Variants in CASP8 observed in about 807,000 individuals in gnomAD.
CASP8 encodes caspase 8.
Under a neutral mutation model 46.3 loss-of-function variants are expected in CASP8, and 24 were observed. That is an observed-to-expected ratio of 0.52 (90% CI 0.38 to 0.73). The LOEUF (loss-of-function observed/expected upper bound fraction) is 0.73. CASP8 is among the 30% of genes least tolerant of loss of function. The probability of loss-of-function intolerance (pLI) is 0.00; values close to 1 mark genes in which losing one functional copy is unlikely to be tolerated. For missense variants in CASP8, 460 were observed against 559.0 expected, an observed-to-expected ratio of 0.82 and a Z score of 1.79; for synonymous variants, 188 against 200.4, an observed-to-expected ratio of 0.94 and a Z score of 0.52.
At chr2:201,264,545 C>G (rs1947659289) in intron 1 of CASP8, among the ~76,000 whole-genome samples, 1 of 152,122 alleles carries the variant, frequency 6.6e-6, no homozygotes, top group Non-Finnish European at 1.5e-5. Context: ...CACGTGCTAG[C>G]AGTATCTATT....
In CASP8 at chr2:201,266,868, T is replaced by G; in HGVS notation, c.305+77T>G. Reference sequence around the variant, plus strand: ...CCTCTGAGCTGATTGGGGCTTTTTTTTGTGGTACCCTGCCTAGTGCCTGGG... The same window carrying G: ...CCTCTGAGCTGATTGGGGCTTTTTTGTGTGGTACCCTGCCTAGTGCCTGGG... On this transcript the variant is annotated intron_variant, in intron 2 of 8. Transcript: ENST00000673742. The surrounding 1 kb of genome is among the most constrained non-coding windows in gnomAD (Gnocchi z 5.7). 9.1e-7 allele frequency: 1 copy of G among 1,095,048 alleles called. No homozygotes were observed. The highest frequency in any genetic ancestry group is 1.3e-6 in the Non-Finnish European group (1 of 759,252). The allele number at this position is 1,095,048 out of a possible 1,614,324, so 67.8% of individuals were successfully genotyped here. A position where few individuals can be genotyped will look rare whatever the true frequency, so the allele number is the denominator to read the frequency against.
rs1204036039 is a variant in CASP8 at position 201,287,202 on chromosome 2, C to A, written c.*608C>A. 6.5e-6 allele frequency: 1 copy of A among 154,374 alleles called. No individual in the cohort carries two copies. The highest frequency in any genetic ancestry group is 6.5e-5 in the Admixed American group (1 of 15,366). 9.6% of individuals were successfully genotyped at this position (154,374 alleles called of 1,614,324 possible). On this transcript the variant is annotated 3_prime_UTR_variant, in exon 9 of 9. Coordinates refer to ENST00000673742, the MANE Select transcript of CASP8 (RefSeq NM_001372051.1). ...TGTTAATATTCTATTAACTTTAATT[C>A]TCTTTCAAAGCTAAATTCCACACTA... is the stretch of plus-strand genomic sequence containing the variant.
chr2:201,252,897 G>C (rs1384781962), intron 2 of CASP8, among the ~76,000 whole-genome samples: 1 of 152,004 alleles, frequency 6.6e-6, no homozygotes, highest in African/African-American at 2.4e-5. Context: ...TATTATGGAG[G>C]GGGAAAAAAA....
chr2:201,241,535 T>C (rs2124907989), intron 2 of CASP8: 1 of 152,302 alleles, frequency 6.6e-6, no homozygotes, highest in African/African-American at 2.4e-5. Flanking sequence ...TTATAACTAA[T>C]GTGGAGGTTT....
At chr2:201,261,130 C>T (rs911313987) in intron 1 of CASP8, among the ~76,000 whole-genome samples, 5 of 152,156 alleles carry the variant, frequency 3.3e-5, no homozygotes, top group Admixed American at 6.5e-5. Flanking sequence ...TGGTGGCTCT[C>T]GCCTGTCATC....
Position 201,272,522 on chromosome 2 carries a change from C to T in CASP8, c.412-116C>T. ...AGAGACCAGCAGAAACTGTCAGAAA[C>T]TTGGGAAGCAAGGGCAGGTCCTTGG... On this transcript the variant is annotated intron_variant, in intron 3 of 8. Transcript: ENST00000673742. The surrounding 1 kb of genome is among the most constrained non-coding windows in gnomAD (Gnocchi z 4.4). The T allele has an allele frequency of 8.6e-7, 1 of 1,158,138 alleles. No homozygotes were observed. Among genetic ancestry groups the T allele is most frequent in the Admixed American group, 1.9e-5 (1 of 53,370 alleles). The allele number at this position is 1,158,138 out of a possible 1,614,324, so 71.7% of individuals were successfully genotyped here.
intron 7 of CASP8, among the ~76,000 whole-genome samples, chr2:201,279,091 A>G (rs1948833548): frequency 6.6e-6 from 1 of 152,226 alleles, no homozygotes; most frequent in Non-Finnish European, 1.5e-5. Context: ...CCCCCACAGA[A>G]TCCTGGAAAA....
Position 201,260,613 on chromosome 2 carries a change from G to A in CASP8, c.-27G>A, listed in dbSNP as rs187440338. On this transcript the variant is annotated splice_region_variant and 5_prime_UTR_variant, in exon 1 of 9. Coordinates refer to ENST00000673742, the MANE Select transcript of CASP8 (RefSeq NM_001372051.1). Reference sequence around the variant, plus strand: ...GAAGGTGCTACCATCGTGAGAGTAAGGTAAGGATTTGCCTCTTTGTTAAGG... The same window carrying A: ...GAAGGTGCTACCATCGTGAGAGTAAAGTAAGGATTTGCCTCTTTGTTAAGG... The A allele has an allele frequency of 4.4e-5, 43 of 973,596 alleles. 1 individual carries two copies. In the Middle Eastern group the frequency reaches 2.6e-3, roughly 60 times the overall value. 60.3% of individuals were successfully genotyped at this position (973,596 alleles called of 1,614,324 possible).
intron 7 of CASP8, chr2:201,281,698 G>T: frequency 2.3e-6 from 1 of 432,512 alleles, no homozygotes; most frequent in Non-Finnish European, 4.1e-6. Context: ...GTTTTTTTCT[G>T]ATTATGTAAA....
chr2:201,254,437 C>T (rs537100012), intron 2 of CASP8, among the ~76,000 whole-genome samples: 2 of 152,344 alleles, frequency 1.3e-5, no homozygotes, highest in East Asian at 1.9e-4. Context: ...TCCCTTGCCA[C>T]GCTCTGGAGG....
chr2:201,276,759 G>T, intron 6 of CASP8, 68 bp from the exon 7 acceptor site: 1 of 1,609,032 alleles, frequency 6.2e-7, no homozygotes, highest in South Asian at 1.1e-5. Flanking sequence ...TTACTAGGGA[G>T]TTGTTTGTTT....
chr2:201,233,764 G>C (rs1472085001), intron 1 of CASP8: 1 of 152,244 alleles, frequency 6.6e-6, no homozygotes, highest in Non-Finnish European at 1.5e-5. Context: ...GGCAGAGCTG[G>C]GATTTGAATC....
chr2:201,283,262 C>G (rs1373824740), intron 7 of CASP8, among the ~76,000 whole-genome samples: 1 of 90,302 alleles, frequency 1.1e-5, no homozygotes, highest in African/African-American at 3.8e-5. Flanking sequence ...GCTGGCCGGG[C>G]GGGGGGTTGA....
intron 2 of CASP8, among the ~76,000 whole-genome samples, chr2:201,247,949 T>C (rs576200239): frequency 6.6e-6 from 1 of 152,084 alleles, no homozygotes; most frequent in African/African-American, 2.4e-5. Context: ...CGGCCAACTT[T>C]TGTATTTTTA....
chr2:201,279,637 A>G (rs1329946037), intron 7 of CASP8, among the ~76,000 whole-genome samples: 1 of 152,252 alleles, frequency 6.6e-6, no homozygotes, highest in Non-Finnish European at 1.5e-5. Context: ...ACCAAAGGTC[A>G]GCAGGCATTT....
chr2:201,253,806 G>T (rs185846370), intron 2 of CASP8, among the ~76,000 whole-genome samples: 164 of 152,282 alleles, frequency 1.1e-3, no homozygotes, highest in African/African-American at 3.8e-3. Context: ...TTCTGGGCCA[G>T]GCGCAGCGGC....
At chr2:201,252,772 A>G (rs937060045) in intron 2 of CASP8, among the ~76,000 whole-genome samples, 1 of 152,192 alleles carries the variant, frequency 6.6e-6, no homozygotes, top group East Asian at 1.9e-4. Context: ...CACCTTCTAG[A>G]TCTACTGAGA....
At chr2:201,278,779 G>A (rs1437786106) in intron 7 of CASP8, among the ~76,000 whole-genome samples, 3 of 152,068 alleles carry the variant, frequency 2.0e-5, no homozygotes, top group South Asian at 2.1e-4. Flanking sequence ...TGATCCACTC[G>A]CCTCGGCCTA....
chr2:201,245,258 T>G (rs979751817), intron 2 of CASP8, among the ~76,000 whole-genome samples: 1 of 151,964 alleles, frequency 6.6e-6, no homozygotes. Context: ...TTTTGTTTTT[T>G]TTTTTGAGAC....
Sources: allele counts gnomAD v4.1 joint callset (sites outside exome capture counted in the v4.1 genomes callset), GRCh38; gene constraint gnomAD v4.1.1; non-coding constraint Gnocchi (gnomAD v3.1); transcripts MANE v1.5; gene names NCBI Gene and HGNC (gene_info 2026-07-23, HGNC 2026-07-21).